The following REDIC1 variants were observed in gnomAD, a reference collection of about 807,000 sequenced individuals.
REDIC1 encodes the protein regulator of DNA class I crossover intermediates 1.
At chr12:39,876,200 C>G in the REDIC1 span, among the ~76,000 whole-genome samples, 326 of 152,242 alleles carry the variant, frequency 2.1e-3, no homozygotes, top group African/African-American at 7.6e-3. Flanking sequence ...CGGAAATCTA[C>G]GTGCATTGCT....
chr12:39,800,427 T>C, the REDIC1 span, among the ~76,000 whole-genome samples: 19 of 147,596 alleles, frequency 1.3e-4, no homozygotes, highest in Non-Finnish European at 2.5e-4. Flanking sequence ...CATCAAAAAG[T>C]GGGCGAAGGA....
chr12:39,851,528 C>A, the REDIC1 span, among the ~76,000 whole-genome samples: 1 of 152,142 alleles, frequency 6.6e-6, no homozygotes, highest in African/African-American at 2.4e-5. Context: ...ATGTACAACA[C>A]CATTTCAAAA....
the REDIC1 span, among the ~76,000 whole-genome samples, chr12:39,682,373 C>T: frequency 5.9e-5 from 9 of 152,018 alleles, no homozygotes; most frequent in African/African-American, 1.9e-4. Flanking sequence ...GCTAACATTT[C>T]ATGTTGTAAT....
chr12:39,712,041 C>CCTACCTGTATGTATATATAT, the REDIC1 span, among the ~76,000 whole-genome samples: 1 of 136,018 alleles, frequency 7.4e-6, no homozygotes, highest in Non-Finnish European at 1.6e-5. Flanking sequence ...TGTATATATA[C>CCTACCTGTATGTATATATAT]CTACCTGTAT....
chr12:39,816,454 T>A, the REDIC1 span, among the ~76,000 whole-genome samples: 3 of 137,644 alleles, frequency 2.2e-5, no homozygotes, highest in African/African-American at 7.9e-5. Context: ...GGGGGAGGGA[T>A]AGCATTAGGA....
chr12:39,854,240 G>T, the REDIC1 span, among the ~76,000 whole-genome samples: 1 of 151,748 alleles, frequency 6.6e-6, no homozygotes, highest in African/African-American at 2.4e-5. Context: ...CTGTAAAATT[G>T]GATAATAATA....
the REDIC1 span, among the ~76,000 whole-genome samples, chr12:39,631,460 AT>A: frequency 1.5e-4 from 22 of 149,194 alleles, no homozygotes; most frequent in South Asian, 2.1e-4. Context: ...TTAATTGGTT[AT>A]TTTTTTTTTG....
the REDIC1 span, among the ~76,000 whole-genome samples, chr12:39,837,310 C>T: frequency 6.8e-6 from 1 of 147,072 alleles, no homozygotes; most frequent in Non-Finnish European, 1.5e-5. Context: ...AAACTGGATC[C>T]CTTCCTTACA....
chr12:39,670,709 GTGTCATA>G, the REDIC1 span, among the ~76,000 whole-genome samples: 1 of 149,840 alleles, frequency 6.7e-6, no homozygotes. Flanking sequence ...ACTTTATGGT[GTGTCATA>G]TGTCACGTCT....
the REDIC1 span, among the ~76,000 whole-genome samples, chr12:39,747,325 A>G: frequency 2.6e-4 from 39 of 152,368 alleles, no homozygotes; most frequent in African/African-American, 8.7e-4. Flanking sequence ...AAAGGGTATC[A>G]GTGATTGAAG....
the REDIC1 span, among the ~76,000 whole-genome samples, chr12:39,866,640 C>T: frequency 2.6e-5 from 4 of 152,072 alleles, no homozygotes; most frequent in Admixed American, 6.6e-5. Context: ...CCACCTCGCC[C>T]GGCTAATTTT....
At chr12:39,830,080 G>A in the REDIC1 span, 27 of 1,612,660 alleles carry the variant, frequency 1.7e-5, no homozygotes, top group South Asian at 4.4e-5. Flanking sequence ...TTATATATTC[G>A]TATGGTAAAA....
chr12:39,895,641 C>T, the REDIC1 span, among the ~76,000 whole-genome samples: 48 of 77,722 alleles, frequency 6.2e-4, no homozygotes, highest in African/African-American at 1.2e-3. Context: ...TATGTATATG[C>T]GTGTATACGT....
At chr12:39,717,598 A>G in the REDIC1 span, among the ~76,000 whole-genome samples, 14 of 152,012 alleles carry the variant, frequency 9.2e-5, no homozygotes, top group African/African-American at 3.4e-4. Flanking sequence ...CAGGAGAGGC[A>G]GGCACACTTG....
At chr12:39,786,149 C>G in the REDIC1 span, among the ~76,000 whole-genome samples, 1 of 152,056 alleles carries the variant, frequency 6.6e-6, no homozygotes, top group East Asian at 1.9e-4. Flanking sequence ...TTGGCTTTGT[C>G]CCCACCCAAA....
chr12:39,659,534 A>G, the REDIC1 span, among the ~76,000 whole-genome samples: 1 of 151,980 alleles, frequency 6.6e-6, no homozygotes, highest in East Asian at 1.9e-4. Context: ...CCATAATTGT[A>G]TCTTCCGTGT....
the REDIC1 span, among the ~76,000 whole-genome samples, chr12:39,897,631 C>T: frequency 1.3e-5 from 2 of 152,242 alleles, no homozygotes; most frequent in Non-Finnish European, 2.9e-5. Flanking sequence ...AGAAATATGG[C>T]TAGCATACTG....
chr12:39,768,141 C>T, the REDIC1 span, among the ~76,000 whole-genome samples: 1 of 152,072 alleles, frequency 6.6e-6, no homozygotes, highest in Non-Finnish European at 1.5e-5. Flanking sequence ...TTCCTTAAAC[C>T]TCATGAACCA....
the REDIC1 span, among the ~76,000 whole-genome samples, chr12:39,697,061 A>G: frequency 0.014 from 2,121 of 152,258 alleles, 48 homozygotes; most frequent in African/African-American, 0.047. Flanking sequence ...GACTACCTCA[A>G]GGCATTTAAT....
Sources: allele counts gnomAD v4.1 joint callset (sites outside exome capture counted in the v4.1 genomes callset), GRCh38; gene constraint gnomAD v4.1.1; transcripts MANE v1.5; gene names NCBI Gene and HGNC (gene_info 2026-07-23, HGNC 2026-07-21).